The following FAM228B variants were observed in gnomAD, a reference collection of about 807,000 sequenced individuals.
FAM228B encodes the protein family with sequence similarity 228 member B, also known as protein FAM228B.
Under a neutral mutation model 42.6 loss-of-function variants are expected in FAM228B, and 38 were observed. The observed-to-expected ratio is 0.89, with a 90% confidence interval of 0.69 to 1.17. The LOEUF (loss-of-function observed/expected upper bound fraction) is 1.17, where lower values mean the gene tolerates loss of function less well. Among genes scored for constraint, FAM228B ranks in the 50% most tolerant of loss-of-function variants. The pLI is 0.00. For synonymous variants in FAM228B, 109 were observed against 122.3 expected (o/e 0.89, Z 0.72); for missense variants, 344 against 367.3 (o/e 0.94, Z 0.52).
chr2:24,079,827 A>AGGCCT (rs1664922032), intron 1 of FAM228B, among the ~76,000 whole-genome samples: 1 of 152,220 alleles, frequency 6.6e-6, no homozygotes, highest in African/African-American at 2.4e-5. Flanking sequence ...AGCATGTATG[A>AGGCCT]AGTTCACCAT....
chr2:24,146,767 A>G lies in FAM228B; in HGVS notation c.461A>G (p.His154Arg), dbSNP rs1444189528. 2.6e-6 allele frequency: 4 copies of G among 1,549,756 alleles called. No homozygotes were observed. The highest frequency in any genetic ancestry group is 2.7e-5 in the African/African-American group (2 of 73,026). The change falls in exon 6 of 11, where the codon CAT becomes CGT. Residue 154 changes from histidine to arginine, a missense_variant. Physicochemically the swap from His to Arg is conservative, Grantham distance 29 (BLOSUM62 0). Coordinates refer to ENST00000615575, the MANE Select transcript of FAM228B (RefSeq NM_001145710.2). ...TTGTAGGTTACCATCCCACCATTTC[A>G]TGACCCTTTGAAAAAAGCACAATAT... ...NFLKVTIPPF[H>R]DPLKKAQYDK...
intron 3 of FAM228B, among the ~76,000 whole-genome samples, chr2:24,117,223 C>T (rs754953720): frequency 3.0e-4 from 45 of 152,004 alleles, no homozygotes; most frequent in Non-Finnish European, 5.6e-4. Flanking sequence ...ACCATGTTTT[C>T]CAGGCTGGTC....
chr2:24,109,728 A>G (rs909612835), intron 3 of FAM228B, among the ~76,000 whole-genome samples: 1 of 152,248 alleles, frequency 6.6e-6, no homozygotes, highest in Non-Finnish European at 1.5e-5. Context: ...AATGAAAACT[A>G]CAAGATACCA....
At position 24,124,341 on chromosome 2, in the gene FAM228B, G is replaced by A. The variant is rs564235849; in HGVS notation, c.-21G>A. On this transcript the variant is annotated 5_prime_UTR_variant, in exon 2 of 11. Transcript: ENST00000615575. Reference sequence around the variant, plus strand: ...AAGATGATTTTTAGTTTTTCCAGGGGCATTGTTATTTGTGACCACAATGAA... The same window carrying A: ...AAGATGATTTTTAGTTTTTCCAGGGACATTGTTATTTGTGACCACAATGAA... The A allele has an allele frequency of 2.7e-5, 39 of 1,465,172 alleles. No homozygotes were observed. The African/African-American group carries it at 4.3e-4, about 16-fold the overall frequency. The allele number at this position is 1,465,172 out of a possible 1,614,324, so 90.8% of individuals were successfully genotyped here.
At chr2:24,079,105 A>G (rs572788755) in intron 1 of FAM228B, 1 of 215,208 alleles carries the variant, frequency 4.6e-6, no homozygotes, top group African/African-American at 2.3e-5. Flanking sequence ...CTCACCTAAG[A>G]GACTTTCTAG....
chr2:24,143,352 G>T (rs1666804295), intron 5 of FAM228B, among the ~76,000 whole-genome samples: 1 of 151,602 alleles, frequency 6.6e-6, no homozygotes, highest in Admixed American at 6.6e-5. Context: ...GGCTAATTTT[G>T]TTGTTGTTGT....
chr2:24,115,732 G>T (rs1665894015), intron 3 of FAM228B: 1 of 1,054,326 alleles, frequency 9.5e-7, no homozygotes, highest in Non-Finnish European at 1.4e-6. Context: ...TAGGCACTGT[G>T]CTAGGTACTG....
chr2:24,098,374 G>A (rs945235051), intron 3 of FAM228B, among the ~76,000 whole-genome samples: 6 of 152,022 alleles, frequency 3.9e-5, no homozygotes, highest in Non-Finnish European at 8.8e-5. Flanking sequence ...CAACAAAATT[G>A]ATAGACTGCT....
At chr2:24,112,544 C>T (rs1481473827) in intron 3 of FAM228B, among the ~76,000 whole-genome samples, 2 of 152,028 alleles carry the variant, frequency 1.3e-5, no homozygotes, top group Non-Finnish European at 2.9e-5. Flanking sequence ...TCAGCTGATC[C>T]GCCAGCCTCA....
At chr2:24,093,890 TACAGGTATGAGCC>T (rs1665444084) in intron 2 of FAM228B, among the ~76,000 whole-genome samples, 1 of 152,092 alleles carries the variant, frequency 6.6e-6, no homozygotes, top group African/African-American at 2.4e-5. Context: ...GTGCTGGGAT[TACAGGTATGAGCC>T]ACCGCTCCTG....
rs566279276 is a variant in FAM228B at position 24,080,287 on chromosome 2, G to A, written c.-289-589G>A. Among the ~76,000 whole-genome samples the A allele has an allele frequency of 4.6e-5, 7 of 152,032 alleles. No homozygotes were observed. The highest frequency in any genetic ancestry group is 4.2e-4 in the South Asian group (2 of 4,810). On this transcript the variant is annotated intron_variant, in intron 1 of 10. Transcript: ENST00000613899. This position sits in a 1 kb window ranked among gnomAD's most constrained non-coding sequence, Gnocchi z 4.7. ...GGAGAATCACTTGAACCTGGGAGGC[G>A]GAGGTTGCAGCGAGCCGAGATCAAG...
At chr2:24,091,692 T>C (rs1665395003) in intron 2 of FAM228B, among the ~76,000 whole-genome samples, 1 of 151,074 alleles carries the variant, frequency 6.6e-6, no homozygotes, top group African/African-American at 2.4e-5. Context: ...ACAAGGAAGA[T>C]ACAAAAATTA....
chr2:24,169,292 C>T lies in FAM228B; in HGVS notation c.*15-64C>T. 2 of 432,484 alleles carry T rather than the reference C, an allele frequency of 4.6e-6. No homozygotes were observed. Among genetic ancestry groups the T allele is most frequent in the Admixed American group, 4.7e-5 (2 of 42,116 alleles). The allele number at this position is 432,484 out of a possible 1,614,324, so 26.8% of individuals were successfully genotyped here. On this transcript the variant is annotated intron_variant, in intron 10 of 10. Coordinates refer to ENST00000615575, the MANE Select transcript of FAM228B (RefSeq NM_001145710.2). The surrounding 1 kb of genome is among the most constrained non-coding windows in gnomAD (Gnocchi z 4.2). ...GCTCAGCTTAGCTGGGGAACGCTTTCTGCTCTCGTAAGCCCCTCATCCCCA... is the reference window on the plus strand; with the variant it reads ...GCTCAGCTTAGCTGGGGAACGCTTTTTGCTCTCGTAAGCCCCTCATCCCCA...
At position 24,095,560 on chromosome 2, in the gene FAM228B, C is replaced by T. The variant is rs777704811; in HGVS notation, c.-121+331C>T. 37 of 152,556 alleles carry T rather than the reference C, an allele frequency of 2.4e-4. No individual in the cohort carries two copies. Among genetic ancestry groups the T allele is most frequent in the Non-Finnish European group, 8.8e-5 (6 of 68,328 alleles). The allele number at this position is 152,556 out of a possible 1,614,324, so 9.5% of individuals were successfully genotyped here. A position where few individuals can be genotyped will look rare whatever the true frequency, so the allele number is the denominator to read the frequency against. ...GGCGGCAGCCTGGCTGGGGGAGGGG[C>T]GTCCGCTGTTGCTGAGGCTTGAGTA... On this transcript the variant is annotated intron_variant, in intron 3 of 10. Transcript: ENST00000613899. The surrounding 1 kb of genome is among the most constrained non-coding windows in gnomAD (Gnocchi z 4.8).
At chr2:24,166,054 A>AAAAATATAT (rs56146407) in intron 9 of FAM228B, 27 of 81,040 alleles carry the variant, frequency 3.3e-4, no homozygotes, top group African/African-American at 9.6e-4. Flanking sequence ...AAAAAAAAAA[A>AAAAATATAT]ATATATATAT....
intron 3 of FAM228B, among the ~76,000 whole-genome samples, chr2:24,116,252 C>T (rs187570203): frequency 3.4e-4 from 52 of 151,640 alleles, no homozygotes; most frequent in African/African-American, 1.2e-3. Context: ...TGCTTGAACC[C>T]GGGAGGCAGA....
At position 24,131,815 on chromosome 2, in the gene FAM228B, CTTTA is replaced by C. The variant is rs1482028323; in HGVS notation, c.100-3296_100-3293del. Among the ~76,000 whole-genome samples the C allele has an allele frequency of 7.9e-5, 12 of 152,276 alleles. No homozygotes were observed. The East Asian group carries it at 2.3e-3, about 29-fold the overall frequency. The stretch of plus-strand genomic sequence containing the variant: ...CTTCATCTCTTCCTATTTGAATACA[CTTTA>C]TTTATTTCTGTTGCCTGATTGCCCT... On this transcript the variant is annotated intron_variant, in intron 2 of 10. Coordinates refer to ENST00000615575, the MANE Select transcript of FAM228B (RefSeq NM_001145710.2).
chr2:24,088,084 G>C (rs1455071501), intron 2 of FAM228B, among the ~76,000 whole-genome samples: 1 of 151,798 alleles, frequency 6.6e-6, no homozygotes, highest in Non-Finnish European at 1.5e-5. Context: ...CTCCATGTTG[G>C]CCAGGCTGGT....
At chr2:24,097,724 C>T (rs1034373693) in intron 3 of FAM228B, among the ~76,000 whole-genome samples, 5 of 152,094 alleles carry the variant, frequency 3.3e-5, no homozygotes, top group Admixed American at 6.6e-5. Flanking sequence ...GACAGATCAA[C>T]GAGACAGAAG....
Sources: gnomAD v4.1 joint callset for allele counts (sites outside exome capture counted in the v4.1 genomes callset) on GRCh38, gnomAD v4.1.1 for gene constraint, Gnocchi (gnomAD v3.1) non-coding constraint, MANE v1.5 for transcripts, NCBI Gene and HGNC (gene_info 2026-07-23, HGNC 2026-07-21) for gene names.